LRRC37A2: variants seen among roughly 807,000 people sequenced by gnomAD.
LRRC37A2 encodes the protein leucine-rich repeat-containing protein 37A2.
LRRC37A2 carries 9 observed loss-of-function variants against 68.8 expected under a neutral mutation model. That is an observed-to-expected ratio of 0.13 (90% CI 0.08 to 0.23). The LOEUF (loss-of-function observed/expected upper bound fraction) is 0.23, where lower values mean the gene tolerates loss of function less well. Ranked by LOEUF, LRRC37A2 falls within the 10% of genes least tolerant of loss-of-function variation. LRRC37A2 has a pLI of 1.00. For synonymous variants in LRRC37A2, 63 were observed against 367.6 expected, an observed-to-expected ratio of 0.17 and a Z score of 9.48; for missense variants, 168 against 950.4, an observed-to-expected ratio of 0.18 and a Z score of 10.82.
chr17:46,932,400 G>A, the LRRC37A2 span: 1 of 630,380 alleles, frequency 1.6e-6, no homozygotes, highest in Non-Finnish European at 2.8e-6. Context: ...ACAAAAACCT[G>A]AAGAGGAAGC....
the LRRC37A2 span, among the ~76,000 whole-genome samples, chr17:46,738,259 A>G: frequency 2.0e-5 from 3 of 152,074 alleles, no homozygotes; most frequent in Non-Finnish European, 4.4e-5. Flanking sequence ...AACGTACAAT[A>G]TGATACTTGA....
the LRRC37A2 span, among the ~76,000 whole-genome samples, chr17:46,874,588 A>T: frequency 9.2e-5 from 14 of 152,034 alleles, no homozygotes; most frequent in African/African-American, 2.7e-4. Flanking sequence ...AATTAAAAAA[A>T]TTTTTTTGAG....
chr17:46,924,372 A>G, the LRRC37A2 span: 1 of 152,294 alleles, frequency 6.6e-6, no homozygotes, highest in Non-Finnish European at 1.5e-5. Context: ...GTTGATGGAC[A>G]CTTGAGTTGT....
the LRRC37A2 span, among the ~76,000 whole-genome samples, chr17:47,000,058 TA>T: frequency 0.012 from 311 of 25,944 alleles, 35 homozygotes; most frequent in Admixed American, 0.024. Flanking sequence ...TAAAATAAAA[TA>T]AAATTAAAAT....
chr17:46,983,128 T>C, the LRRC37A2 span, among the ~76,000 whole-genome samples: 2 of 152,014 alleles, frequency 1.3e-5, no homozygotes, highest in Non-Finnish European at 2.9e-5. Context: ...CCTGGGCTGG[T>C]GCTGTAGGTT....
the LRRC37A2 span, among the ~76,000 whole-genome samples, chr17:46,918,341 G>A: frequency 6.6e-6 from 1 of 152,176 alleles, no homozygotes; most frequent in Admixed American, 6.5e-5. Flanking sequence ...GCCTCACTAA[G>A]TGCTGGGATT....
chr17:46,759,071 G>A, the LRRC37A2 span, among the ~76,000 whole-genome samples: 364 of 152,248 alleles, frequency 2.4e-3, 1 homozygote, highest in African/African-American at 8.5e-3. Flanking sequence ...GGGCATGGTG[G>A]CACATGCCTG....
the LRRC37A2 span, among the ~76,000 whole-genome samples, chr17:46,802,269 TTTTA>T: frequency 6.6e-6 from 1 of 152,130 alleles, no homozygotes; most frequent in Non-Finnish European, 1.5e-5. Flanking sequence ...CTTTCTTTTC[TTTTA>T]TTTATTTATT....
chr17:47,018,449 C>T, the LRRC37A2 span: 4 of 1,551,522 alleles, frequency 2.6e-6, no homozygotes, highest in East Asian at 2.2e-5. Flanking sequence ...ACGTGCAGCT[C>T]ACCATAGCAG....
the LRRC37A2 span, among the ~76,000 whole-genome samples, chr17:46,822,291 G>T: frequency 6.6e-6 from 1 of 152,206 alleles, no homozygotes; most frequent in Non-Finnish European, 1.5e-5. Context: ...AAGCAGGAAG[G>T]CCCTAGCGTG....
the LRRC37A2 span, among the ~76,000 whole-genome samples, chr17:46,838,144 C>G: frequency 6.6e-6 from 1 of 152,244 alleles, no homozygotes; most frequent in South Asian, 2.1e-4. Context: ...CAAAAGCCTT[C>G]TCTGTGTCAC....
the LRRC37A2 span, chr17:47,035,170 T>TC: frequency 6.6e-6 from 1 of 152,222 alleles, no homozygotes; most frequent in African/African-American, 2.4e-5. Context: ...TGAGACTTGA[T>TC]CCACATACCA....
At chr17:46,747,294 T>G in the LRRC37A2 span, among the ~76,000 whole-genome samples, 1 of 152,146 alleles carries the variant, frequency 6.6e-6, no homozygotes, top group East Asian at 1.9e-4. Flanking sequence ...ACAAGTTTGT[T>G]TTTTGAGACA....
At chr17:47,020,972 T>C in the LRRC37A2 span, among the ~76,000 whole-genome samples, 1 of 151,800 alleles carries the variant, frequency 6.6e-6, no homozygotes, top group East Asian at 1.9e-4. Flanking sequence ...AAAGAGTAGC[T>C]ATAATTTGTT....
At chr17:46,864,044 T>C in the LRRC37A2 span, among the ~76,000 whole-genome samples, 3 of 152,290 alleles carry the variant, frequency 2.0e-5, no homozygotes, top group South Asian at 6.2e-4. Context: ...GTCCTCATCA[T>C]TGAGGGGGTC....
the LRRC37A2 span, among the ~76,000 whole-genome samples, chr17:46,631,084 A>ACACACACACACACACACACACACG: frequency 6.2e-5 from 9 of 145,586 alleles, no homozygotes; most frequent in South Asian, 2.1e-4. Flanking sequence ...ACACACACAC[A>ACACACACACACACACACACACACG]CACACACACA....
the LRRC37A2 span, among the ~76,000 whole-genome samples, chr17:46,828,332 G>C: frequency 6.6e-6 from 1 of 152,014 alleles, no homozygotes; most frequent in Non-Finnish European, 1.5e-5. Context: ...AAGGAGCTGG[G>C]ACTACAGGCA....
the LRRC37A2 span, among the ~76,000 whole-genome samples, chr17:46,869,324 C>T: frequency 6.6e-6 from 1 of 152,224 alleles, no homozygotes; most frequent in African/African-American, 2.4e-5. Context: ...TTGCATTCCA[C>T]AGAGCTCCAA....
the LRRC37A2 span, among the ~76,000 whole-genome samples, chr17:46,765,453 T>G: frequency 6.6e-6 from 1 of 152,136 alleles, no homozygotes; most frequent in Non-Finnish European, 1.5e-5. Flanking sequence ...ACAGAAAAGG[T>G]GTTTTCCCCA....
Sources: gnomAD v4.1 joint callset for allele counts (sites outside exome capture counted in the v4.1 genomes callset) on GRCh38, gnomAD v4.1.1 for gene constraint, MANE v1.5 for transcripts, NCBI Gene and HGNC (gene_info 2026-07-23, HGNC 2026-07-21) for gene names.